The following GABRB2 variants were observed in gnomAD, a reference collection of about 807,000 sequenced individuals.
GABRB2 encodes the protein gamma-aminobutyric acid receptor subunit beta-2.
Under a neutral mutation model 54.7 loss-of-function variants are expected in GABRB2, and 16 were observed. That is an observed-to-expected ratio of 0.29 (90% CI 0.20 to 0.44). The LOEUF is 0.44. GABRB2 is among the 20% of genes least tolerant of loss of function. GABRB2 has a pLI of 1.00. For missense variants in GABRB2, 355 were observed against 644.0 expected, an observed-to-expected ratio of 0.55 and a Z score of 4.86; for synonymous variants, 244 against 233.8, an observed-to-expected ratio of 1.04 and a Z score of -0.40.
intron 4 of GABRB2, among the ~76,000 whole-genome samples, chr5:161,415,425 T>C (rs1162757847): frequency 6.6e-6 from 1 of 152,202 alleles, no homozygotes; most frequent in South Asian, 2.1e-4. Flanking sequence ...TCGTAAAATA[T>C]TAACACAGAG....
At chr5:161,353,639 G>A (rs1754534565) in intron 5 of GABRB2, among the ~76,000 whole-genome samples, 1 of 151,958 alleles carries the variant, frequency 6.6e-6, no homozygotes, top group Non-Finnish European at 1.5e-5. Context: ...AAGACAAGTT[G>A]CCTAAATGTC....
intron 5 of GABRB2, among the ~76,000 whole-genome samples, chr5:161,395,032 G>C (rs112490216): frequency 0.019 from 2,925 of 152,202 alleles, 38 homozygotes; most frequent in Middle Eastern, 0.037. Flanking sequence ...TCCTAGGAAT[G>C]CAAGGTTGAG....
At chr5:161,472,154 T>C (rs1758459901) in intron 3 of GABRB2, among the ~76,000 whole-genome samples, 1 of 151,908 alleles carries the variant, frequency 6.6e-6, no homozygotes, top group Admixed American at 6.6e-5. Context: ...TTGTTATTAT[T>C]ATTAATGTTT....
chr5:161,523,337 C>T (rs1191086078), intron 3 of GABRB2, among the ~76,000 whole-genome samples: 1 of 151,452 alleles, frequency 6.6e-6, no homozygotes, highest in Non-Finnish European at 1.5e-5. Context: ...AAGTAACAAC[C>T]AAATGCATTT....
At chr5:161,362,403 T>G (rs1028485150) in intron 5 of GABRB2, among the ~76,000 whole-genome samples, 1 of 152,194 alleles carries the variant, frequency 6.6e-6, no homozygotes, top group African/African-American at 2.4e-5. Flanking sequence ...ATTCTTCCTA[T>G]CCATGAGCAT....
chr5:161,359,853 C>G (rs1306506401), intron 5 of GABRB2, among the ~76,000 whole-genome samples: 1 of 152,040 alleles, frequency 6.6e-6, no homozygotes, highest in Non-Finnish European at 1.5e-5. Flanking sequence ...GAGGCTGAGG[C>G]AGGTAGATCA....
chr5:161,390,740 A>G (rs1268124335), intron 5 of GABRB2, among the ~76,000 whole-genome samples: 1 of 152,130 alleles, frequency 6.6e-6, no homozygotes, highest in Non-Finnish European at 1.5e-5. Flanking sequence ...AACACTTCTT[A>G]TAAGTCCTCT....
chr5:161,458,471 T>C (rs184363656), intron 4 of GABRB2, among the ~76,000 whole-genome samples: 2 of 152,270 alleles, frequency 1.3e-5, no homozygotes. Flanking sequence ...TCGACAAATG[T>C]CATAAACAAA....
At chr5:161,546,748 C>A, upstream of GABRB2, 1 of 1,511,440 alleles carries the variant, frequency 6.6e-7, no homozygotes. Flanking sequence ...CACGGCGTAC[C>A]AAAACATCAA....
intron 9 of GABRB2, among the ~76,000 whole-genome samples, chr5:161,309,528 A>T (rs987561026): frequency 6.6e-6 from 1 of 152,152 alleles, no homozygotes; most frequent in East Asian, 1.9e-4. Context: ...AATGAGTGTA[A>T]TTTTTTATAT....
chr5:161,333,425 C>CGATA (rs1753910684), intron 7 of GABRB2, among the ~76,000 whole-genome samples: 1 of 152,156 alleles, frequency 6.6e-6, no homozygotes, highest in Non-Finnish European at 1.5e-5. Flanking sequence ...GTGTATATAT[C>CGATA]ACAGGTGCTT....
At chr5:161,374,195 C>T (rs945742830) in intron 5 of GABRB2, among the ~76,000 whole-genome samples, 6 of 152,150 alleles carry the variant, frequency 3.9e-5, no homozygotes, top group South Asian at 2.1e-4. Context: ...CCGTTGGCCT[C>T]GGCCTCCCAA....
intron 4 of GABRB2, among the ~76,000 whole-genome samples, chr5:161,444,875 A>G (rs1022325058): frequency 3.3e-5 from 5 of 152,130 alleles, no homozygotes; most frequent in African/African-American, 9.7e-5. Flanking sequence ...TTACCTCAGT[A>G]TGCAAATCCA....
chr5:161,449,653 C>G (rs1473747271), intron 4 of GABRB2, among the ~76,000 whole-genome samples: 1 of 152,046 alleles, frequency 6.6e-6, no homozygotes, highest in Non-Finnish European at 1.5e-5. Flanking sequence ...GTTTTTCAGT[C>G]TAAATGTAAG....
chr5:161,546,774 T>G, upstream of GABRB2: 2 of 1,468,526 alleles, frequency 1.4e-6, no homozygotes, highest in South Asian at 2.8e-5. Context: ...AAGCGGCGGC[T>G]GCCGGGGACC....
chr5:161,423,186 C>G (rs1580973324), intron 4 of GABRB2, among the ~76,000 whole-genome samples: 1 of 152,096 alleles, frequency 6.6e-6, no homozygotes, highest in East Asian at 1.9e-4. Context: ...GTGATGCATT[C>G]TAGTTTTTGA....
intron 4 of GABRB2, among the ~76,000 whole-genome samples, chr5:161,414,240 A>G (rs1580965629): frequency 6.6e-6 from 1 of 152,196 alleles, no homozygotes; most frequent in Non-Finnish European, 1.5e-5. Flanking sequence ...AGTAACAGAC[A>G]AGTCATTGTA....
intron 4 of GABRB2, among the ~76,000 whole-genome samples, chr5:161,442,982 C>G (rs1370196450): frequency 6.6e-6 from 1 of 152,100 alleles, no homozygotes; most frequent in Non-Finnish European, 1.5e-5. Context: ...GGAATACATT[C>G]ACGTTCAGTA....
chr5:161,494,165 C>T (rs992982218), intron 3 of GABRB2, among the ~76,000 whole-genome samples: 1 of 151,652 alleles, frequency 6.6e-6, no homozygotes, highest in African/African-American at 2.4e-5. Flanking sequence ...ATGCTTATAG[C>T]AGCCAAGCAT....
Sources: allele counts gnomAD v4.1 joint callset (sites outside exome capture counted in the v4.1 genomes callset), GRCh38; gene constraint gnomAD v4.1.1; transcripts MANE v1.5; gene names NCBI Gene and HGNC (gene_info 2026-07-23, HGNC 2026-07-21).